COL4A6: variants seen among roughly 807,000 people sequenced by gnomAD.
COL4A6 encodes the protein collagen type IV alpha 6 chain, also known as collagen alpha-6(IV) chain.
Under a neutral mutation model 126.7 loss-of-function variants are expected in COL4A6, and 59 were observed. The ratio of observed to expected loss-of-function variants is 0.47; its 90% CI spans 0.38 to 0.58. COL4A6 has a LOEUF of 0.58. Ranked by LOEUF, COL4A6 falls within the 20% of genes least tolerant of loss-of-function variation. The probability of loss-of-function intolerance (pLI) is 0.00; values close to 1 mark genes in which losing one functional copy is unlikely to be tolerated. For synonymous variants in COL4A6, 547 were observed against 496.6 expected, an observed-to-expected ratio of 1.10 and a Z score of -1.35; for missense variants, 1,285 against 1,337.3, an observed-to-expected ratio of 0.96 and a Z score of 0.61.
intron 2 of COL4A6, among the ~76,000 whole-genome samples, chrX:108,317,749 G>A (rs377425038): frequency 5.7e-4 from 64 of 111,316 alleles, no homozygotes; most frequent in African/African-American, 1.7e-3. Flanking sequence ...GATATGTGGC[G>A]TTATTTCTGA....
At chrX:108,193,451 T>G (rs2035114928) in intron 17 of COL4A6, among the ~76,000 whole-genome samples, 177 bp downstream of exon 17, 1 of 111,659 alleles carries the variant, frequency 9.0e-6, no homozygotes, top group South Asian at 3.8e-4. Flanking sequence ...TTGGCTTCCC[T>G]GACCAAGAGA....
intron 2 of COL4A6, among the ~76,000 whole-genome samples, chrX:108,347,098 G>C (rs1487184210): frequency 8.9e-6 from 1 of 112,051 alleles, no homozygotes; most frequent in Admixed American, 9.4e-5. Flanking sequence ...TCCAGCTCAG[G>C]GTTGTGGGTG....
intron 3 of COL4A6, among the ~76,000 whole-genome samples, chrX:108,278,985 G>A (rs957053194): frequency 8.8e-4 from 99 of 111,910 alleles, no homozygotes; most frequent in Non-Finnish European, 5.5e-4. Context: ...AAGAGATCCT[G>A]AAGGAAGCAC....
intron 2 of COL4A6, among the ~76,000 whole-genome samples, chrX:108,399,580 C>G (rs778325299): frequency 9.0e-6 from 1 of 111,256 alleles, no homozygotes; most frequent in Non-Finnish European, 1.9e-5. Context: ...ACTGTTTGTG[C>G]AAGTGTTTTC....
intron 2 of COL4A6, among the ~76,000 whole-genome samples, chrX:108,323,004 T>C (rs368805691): frequency 7.1e-5 from 8 of 112,316 alleles, no homozygotes; most frequent in African/African-American, 2.6e-4. Context: ...TCAGTTATGA[T>C]GTGTGTCAAA....
rs2035170597 is a variant in COL4A6 at position 108,195,096 on chromosome X, G to A, written c.934C>T (p.Pro312Ser). ...GPMGSEGVQG[P>S]PGQQGKKGTL... Reference sequence around the variant, plus strand: ...AACCAAAATACCTGTTGCCCTGGAGGGCCTTGGACTCCTTCTGAACCCATG... The same window carrying A: ...AACCAAAATACCTGTTGCCCTGGAGAGCCTTGGACTCCTTCTGAACCCATG... Residue 312 changes from proline (P) to serine (S), a missense_variant, in exon 15 of 45, where the codon CCT becomes TCT. Physicochemically the swap from Pro to Ser is moderately conservative, Grantham distance 74. Coordinates refer to ENST00000334504, the MANE Select transcript of COL4A6 (RefSeq NM_033641.4). 1 of 1,204,297 alleles carries A rather than the reference G, an allele frequency of 8.3e-7. No homozygotes were observed. The highest frequency in any genetic ancestry group is 3.0e-5 in the East Asian group (1 of 33,691).
intron 5 of COL4A6, among the ~76,000 whole-genome samples, chrX:108,216,669 C>A (rs2035864542): frequency 8.9e-6 from 1 of 112,581 alleles, no homozygotes; most frequent in African/African-American, 3.2e-5. Context: ...GAGCGTATAG[C>A]TCTTTGAGGG....
At chrX:108,361,448 T>G (rs1212431056) in intron 2 of COL4A6, among the ~76,000 whole-genome samples, 1 of 111,716 alleles carries the variant, frequency 9.0e-6, no homozygotes, top group Non-Finnish European at 1.9e-5. Flanking sequence ...ATAGAGGGCT[T>G]TCATCCTGAA....
chrX:108,223,946 C>A (rs1201690305), intron 3 of COL4A6, among the ~76,000 whole-genome samples: 1 of 111,501 alleles, frequency 9.0e-6, no homozygotes, highest in Non-Finnish European at 1.9e-5. Flanking sequence ...AAAGTTTTCC[C>A]ACATCAAGGG....
chrX:108,255,055 G>A (rs995175353), intron 3 of COL4A6, among the ~76,000 whole-genome samples: 4 of 108,765 alleles, frequency 3.7e-5, no homozygotes, highest in African/African-American at 1.3e-4. Flanking sequence ...CTCTTCTCTA[G>A]ATCTGCCAGG....
At chrX:108,366,645 A>G (rs1020577241) in intron 2 of COL4A6, among the ~76,000 whole-genome samples, 6 of 112,063 alleles carry the variant, frequency 5.4e-5, no homozygotes, top group Non-Finnish European at 7.5e-5. Flanking sequence ...TATTTCATTT[A>G]GGAAAATTAA....
chrX:108,291,191 T>TCTCCTTAGCTCTC (rs2038153040), intron 3 of COL4A6, among the ~76,000 whole-genome samples: 1 of 111,964 alleles, frequency 8.9e-6, no homozygotes. Context: ...ATTAGGACCT[T>TCTCCTTAGCTCTC]ATTTACTGAT....
chrX:108,399,261 T>A, intron 2 of COL4A6, among the ~76,000 whole-genome samples: 1 of 111,432 alleles, frequency 9.0e-6, no homozygotes, highest in Non-Finnish European at 1.9e-5. Context: ...CAGTTTAATT[T>A]AACAAACACG....
At chrX:108,255,561 T>C (rs2036979912) in intron 3 of COL4A6, among the ~76,000 whole-genome samples, 1 of 111,009 alleles carries the variant, frequency 9.0e-6, no homozygotes, top group South Asian at 3.8e-4. Flanking sequence ...TTCTCTTTTC[T>C]TTCCCCTAAT....
At chrX:108,285,722 C>G (rs1433404617) in intron 3 of COL4A6, among the ~76,000 whole-genome samples, 2 of 111,540 alleles carry the variant, frequency 1.8e-5, no homozygotes, top group African/African-American at 6.5e-5. Context: ...AACTGTATGC[C>G]CACCTACCAT....
At chrX:108,208,225 T>G (rs1444484816) in intron 8 of COL4A6, among the ~76,000 whole-genome samples, 1 of 111,872 alleles carries the variant, frequency 8.9e-6, no homozygotes, top group Middle Eastern at 4.3e-3. Flanking sequence ...AATCTGCAAT[T>G]ACAGTTGGAC....
intron 3 of COL4A6, among the ~76,000 whole-genome samples, chrX:108,252,706 G>T (rs867290168): frequency 1.8e-5 from 2 of 108,432 alleles, no homozygotes; most frequent in Non-Finnish European, 3.9e-5. Context: ...AATAAAAAAA[G>T]AAAACTACAG....
chrX:108,324,404 A>G (rs2147951818), intron 2 of COL4A6, among the ~76,000 whole-genome samples: 1 of 112,264 alleles, frequency 8.9e-6, no homozygotes, highest in African/African-American at 3.2e-5. Context: ...AATGTTGCCC[A>G]TAATGTTCTT....
Position 108,178,812 on chromosome X carries a change from T to C in COL4A6, c.2387A>G (p.Lys796Arg). Residue 796 changes from lysine to arginine, a missense_variant, in exon 27 of 45, where the codon AAA becomes AGA. Physicochemically the swap from Lys to Arg is conservative, Grantham distance 26 (BLOSUM62 2). Coordinates refer to ENST00000334504, the MANE Select transcript of COL4A6 (RefSeq NM_033641.4). The stretch of plus-strand genomic sequence containing the variant: ...TGTCCCAGGGCTGCCCCGCTCACCT[T>C]TGGGGCCTAGTAAGCCAGGCTTCCC... ...VHGKPGLLGPKGERGSPGTPG... is the reference protein window; with the variant it reads ...VHGKPGLLGPRGERGSPGTPG... 8.3e-7 allele frequency: 1 copy of C among 1,210,895 alleles called. No homozygotes were observed. The highest frequency in any genetic ancestry group is 1.1e-6 in the Non-Finnish European group (1 of 895,284).
Sources: gnomAD v4.1 joint callset for allele counts (sites outside exome capture counted in the v4.1 genomes callset) on GRCh38, gnomAD v4.1.1 for gene constraint, MANE v1.5 for transcripts, NCBI Gene and HGNC (gene_info 2026-07-23, HGNC 2026-07-21) for gene names.